CELF2: variants seen among roughly 807,000 people sequenced by gnomAD.
CELF2 encodes CUG triplet repeat RNA-binding protein 2.
CELF2 carries 8 observed loss-of-function variants against 62.6 expected under a neutral mutation model. The observed-to-expected ratio is 0.13, with a 90% CI of 0.07 to 0.23. The LOEUF (loss-of-function observed/expected upper bound fraction) is 0.23, where lower values mean the gene tolerates loss of function less well. Among genes scored for constraint, CELF2 ranks in the 10% least tolerant of loss-of-function variants. The pLI is 1.00. For missense variants in CELF2, 333 were observed against 671.0 expected (o/e 0.50, Z 5.56); for synonymous variants, 258 against 250.0 (o/e 1.03, Z -0.30).
the CELF2 span, among the ~76,000 whole-genome samples, chr10:10,580,375 A>G: frequency 6.6e-6 from 1 of 152,170 alleles, no homozygotes; most frequent in African/African-American, 2.4e-5. Context: ...TGTTCACTGA[A>G]AAGAAGTCTC....
chr10:11,057,109 G>C (rs1257199604), intron 1 of CELF2, among the ~76,000 whole-genome samples: 1 of 152,192 alleles, frequency 6.6e-6, no homozygotes, highest in Non-Finnish European at 1.5e-5. Flanking sequence ...GTGTAACAGA[G>C]AAACAGTTTG....
intron 9 of CELF2, among the ~76,000 whole-genome samples, chr10:11,289,410 A>C (rs532009044): frequency 7.9e-5 from 12 of 152,212 alleles, no homozygotes; most frequent in Admixed American, 3.3e-4. Context: ...CAGGAAACAC[A>C]CATCGAAAAC....
At chr10:10,840,352 C>A (rs377017857) in intron 1 of CELF2, among the ~76,000 whole-genome samples, 1 of 152,108 alleles carries the variant, frequency 6.6e-6, no homozygotes, top group Admixed American at 6.5e-5. Context: ...TTTGTTGCTC[C>A]GCATCCTCAC....
intron 1 of CELF2, chr10:11,030,731 G>A (rs953545663): frequency 4.6e-5 from 7 of 152,260 alleles, no homozygotes; most frequent in African/African-American, 1.7e-4. Flanking sequence ...TGGGTTTTGA[G>A]TGTGAAATAC....
chr10:11,021,516 GA>G (rs1219880372), intron 1 of CELF2, among the ~76,000 whole-genome samples: 2 of 152,198 alleles, frequency 1.3e-5, no homozygotes, highest in African/African-American at 4.8e-5. Context: ...GAAACTGTTA[GA>G]GGGGCAGTGT....
the CELF2 span, among the ~76,000 whole-genome samples, chr10:10,720,613 G>A: frequency 6.6e-6 from 1 of 152,144 alleles, no homozygotes; most frequent in South Asian, 2.1e-4. Flanking sequence ...TATAGCGAAC[G>A]CTGACAAGAT....
chr10:10,807,873 A>C (rs992281772), intron 1 of CELF2, among the ~76,000 whole-genome samples: 1 of 152,198 alleles, frequency 6.6e-6, no homozygotes, highest in African/African-American at 2.4e-5. Context: ...AACCTGACTC[A>C]GTTCATTAGG....
the CELF2 span, among the ~76,000 whole-genome samples, chr10:10,522,932 G>T: frequency 1.3e-5 from 2 of 152,154 alleles, no homozygotes; most frequent in Admixed American, 6.5e-5. Context: ...TTAGTATGTG[G>T]TCAGCCCTGG....
At chr10:10,753,651 A>T in the CELF2 span, among the ~76,000 whole-genome samples, 3 of 152,214 alleles carry the variant, frequency 2.0e-5, no homozygotes, top group Non-Finnish European at 4.4e-5. Context: ...ATATTAAAAA[A>T]TCACAAGTCT....
the CELF2 span, among the ~76,000 whole-genome samples, chr10:10,518,946 G>T: frequency 6.6e-6 from 1 of 152,104 alleles, no homozygotes; most frequent in African/African-American, 2.4e-5. Context: ...CAGGACTTCA[G>T]ACCAAAAAGA....
At chr10:10,600,215 G>A in the CELF2 span, among the ~76,000 whole-genome samples, 1 of 152,344 alleles carries the variant, frequency 6.6e-6, no homozygotes, top group East Asian at 1.9e-4. Context: ...GCTGGTTTAT[G>A]ATTGGACTGC....
chr10:10,644,717 G>A, the CELF2 span, among the ~76,000 whole-genome samples: 1 of 152,060 alleles, frequency 6.6e-6, no homozygotes, highest in African/African-American at 2.4e-5. Context: ...TGAAACAAAG[G>A]CCCTATTTTA....
intron 1 of CELF2, among the ~76,000 whole-genome samples, chr10:11,142,683 C>CAAAAAAAA (rs1006618543): frequency 1.9e-4 from 12 of 63,730 alleles, no homozygotes; most frequent in Admixed American, 3.3e-4. Flanking sequence ...GACGCTGTCT[C>CAAAAAAAA]AAAAAAAAAA....
intron 1 of CELF2, among the ~76,000 whole-genome samples, chr10:10,902,311 T>C (rs2062993698): frequency 6.6e-6 from 1 of 152,228 alleles, no homozygotes. Flanking sequence ...GCAACTCTAT[T>C]TGTAAGAGCC....
chr10:11,105,256 C>G (rs895417539), intron 1 of CELF2, among the ~76,000 whole-genome samples: 6 of 152,332 alleles, frequency 3.9e-5, no homozygotes, highest in South Asian at 4.1e-4. Flanking sequence ...GGGTTTGAAT[C>G]TACCTCACTT....
chr10:11,212,213 T>A (rs1383248959), intron 2 of CELF2, among the ~76,000 whole-genome samples: 1 of 152,154 alleles, frequency 6.6e-6, no homozygotes, highest in Non-Finnish European at 1.5e-5. Context: ...AGCAGGCCCC[T>A]GGGGAGGTAG....
the CELF2 span, among the ~76,000 whole-genome samples, chr10:10,698,028 A>T: frequency 6.6e-6 from 1 of 152,152 alleles, no homozygotes; most frequent in Non-Finnish European, 1.5e-5. Flanking sequence ...TCCTGACCTG[A>T]GGTGATCCGC....
At chr10:11,320,978 G>T in intron 10 of CELF2, 1 of 1,478,560 alleles carries the variant, frequency 6.8e-7, no homozygotes. Context: ...CACTGGCCTA[G>T]GGAGTGAGGG....
chr10:11,130,370 A>G (rs1400483589), intron 1 of CELF2, among the ~76,000 whole-genome samples: 1 of 152,226 alleles, frequency 6.6e-6, no homozygotes, highest in Non-Finnish European at 1.5e-5. Context: ...TCCCCTGAGC[A>G]GGTAGGGGCT....
Sources: gnomAD v4.1 joint callset for allele counts (sites outside exome capture counted in the v4.1 genomes callset) on GRCh38, gnomAD v4.1.1 for gene constraint, MANE v1.5 for transcripts, NCBI Gene and HGNC (gene_info 2026-07-23, HGNC 2026-07-21) for gene names.